Variants in MMD2 observed in about 807,000 individuals in gnomAD.
MMD2 encodes the protein monocyte to macrophage differentiation factor 2.
A neutral mutation model predicts 33.5 loss-of-function variants in MMD2; 30 were observed. The observed-to-expected ratio is 0.90, with a 90% CI of 0.67 to 1.22. The LOEUF (loss-of-function observed/expected upper bound fraction) is 1.22, where lower values mean the gene tolerates loss of function less well. Ranked by LOEUF, MMD2 falls within the 50% of genes most tolerant of loss-of-function variation. The pLI, the probability that MMD2 is intolerant of heterozygous loss-of-function variation, is 0.00. For missense variants in MMD2, 364 were observed against 325.4 expected, an observed-to-expected ratio of 1.12 and a Z score of -0.91; for synonymous variants, 129 against 123.0, an observed-to-expected ratio of 1.05 and a Z score of -0.32.
intron 4 of MMD2, among the ~76,000 whole-genome samples, chr7:4,914,224 T>C (rs966210775): frequency 1.1e-4 from 17 of 152,214 alleles, no homozygotes; most frequent in Non-Finnish European, 1.8e-4. Context: ...CTATTGTTTT[T>C]ATGTCTGCAT....
chr7:4,957,173 A>T (rs200808571), intron 1 of MMD2, among the ~76,000 whole-genome samples: 2,809 of 127,334 alleles, frequency 0.022, 27 homozygotes, highest in Non-Finnish European at 0.027. Context: ...CAAAAAAAAA[A>T]ATATATATAT....
chr7:4,953,478 T>C (rs1179422482), intron 1 of MMD2, among the ~76,000 whole-genome samples: 11 of 147,992 alleles, frequency 7.4e-5, no homozygotes, highest in African/African-American at 2.2e-4. Context: ...TCAGTCTCTT[T>C]TTTTTTTTTT....
intron 1 of MMD2, among the ~76,000 whole-genome samples, chr7:4,952,111 C>G (rs532155029): frequency 6.6e-6 from 1 of 152,352 alleles, no homozygotes; most frequent in African/African-American, 2.4e-5. Context: ...ACGCCCACCA[C>G]ACGCCAGACC....
chr7:4,928,065 C>G (rs980191376), intron 1 of MMD2, among the ~76,000 whole-genome samples: 1 of 152,172 alleles, frequency 6.6e-6, no homozygotes, highest in Non-Finnish European at 1.5e-5. Context: ...GACCAGCAGC[C>G]GGGACCACAG....
Position 4,950,665 on chromosome 7 carries a change from G to A in MMD2, c.47+8306C>T, listed in dbSNP as rs144942553. ...GTCCTTGTGGTTCATCCAGGCTACC[G>A]CGTGTGCCAGAATTTCCTTCCTTTT... On this transcript the variant is annotated intron_variant, in intron 1 of 6. Coordinates refer to ENST00000401401, the MANE Select transcript of MMD2 (RefSeq NM_198403.4). Among the ~76,000 whole-genome samples the A allele has an allele frequency of 1.2e-3, 188 of 151,744 alleles. 2 individuals carry two copies. The highest frequency in any genetic ancestry group is 3.1e-3 in the African/African-American group (128 of 41,372).
At chr7:4,909,768 A>C (rs556270295) in intron 6 of MMD2, 113 bp downstream of exon 6, 36 of 1,420,870 alleles carry the variant, frequency 2.5e-5, no homozygotes, top group Non-Finnish European at 3.5e-5. Context: ...GCCAGGCCTC[A>C]GTTTCCCCGC....
Position 4,906,624 on chromosome 7 carries a change from C to T in MMD2, c.*772G>A. On this transcript the variant is annotated 3_prime_UTR_variant, in exon 7 of 7. Transcript: ENST00000401401. ...CTACGGTGGAACAGAACATCAGGGG[C>T]TGCATGGGTGTGCGCCTCAGTTTCC... 1 of 398,430 alleles carries T rather than the reference C, an allele frequency of 2.5e-6. No homozygotes were observed. Among genetic ancestry groups the T allele is most frequent in the Non-Finnish European group, 4.4e-6 (1 of 225,966 alleles). 24.7% of individuals were successfully genotyped at this position (398,430 alleles called of 1,614,324 possible).
At chr7:4,918,005 A>G (rs1347002406) in intron 3 of MMD2, among the ~76,000 whole-genome samples, 1 of 152,200 alleles carries the variant, frequency 6.6e-6, no homozygotes, top group African/African-American at 2.4e-5. Flanking sequence ...AAGTTTGGGG[A>G]AAACAAGCTC....
intron 1 of MMD2, among the ~76,000 whole-genome samples, chr7:4,950,340 C>T (rs868647571): frequency 5.3e-5 from 8 of 152,112 alleles, no homozygotes; most frequent in Admixed American, 1.3e-4. Flanking sequence ...TCAGGTGGTC[C>T]GCCTGCCTCG....
chr7:4,907,717 C>A, intron 6 of MMD2, 118 bp from the exon 7 acceptor site: 2 of 889,310 alleles, frequency 2.2e-6, no homozygotes, highest in Non-Finnish European at 1.8e-6. Context: ...CCAGCCCAGA[C>A]TCCCAGGTGG....
intron 3 of MMD2, among the ~76,000 whole-genome samples, chr7:4,919,403 T>C (rs1446206454): frequency 6.6e-6 from 1 of 151,784 alleles, no homozygotes; most frequent in Non-Finnish European, 1.5e-5. Flanking sequence ...ACCCCATCTC[T>C]ACAAAAAGAT....
intron 1 of MMD2, among the ~76,000 whole-genome samples, chr7:4,934,257 A>G (rs987997243): frequency 6.6e-6 from 1 of 150,732 alleles, no homozygotes; most frequent in Admixed American, 6.6e-5. Context: ...TTCCACCACC[A>G]CACCCAACTA....
At chr7:4,958,562 T>C (rs946607046) in intron 1 of MMD2, among the ~76,000 whole-genome samples, 3 of 152,112 alleles carry the variant, frequency 2.0e-5, no homozygotes, top group African/African-American at 7.2e-5. Flanking sequence ...CCTTTTACCA[T>C]GAACAAGAGT....
At chr7:4,943,737 A>AGGAT (rs1785975991) in intron 1 of MMD2, among the ~76,000 whole-genome samples, 1 of 152,066 alleles carries the variant, frequency 6.6e-6, no homozygotes, top group South Asian at 2.1e-4. Flanking sequence ...ACACTTCACA[A>AGGAT]ACTGCCTTGA....
At chr7:4,897,224 A>AT in the MMD2 span, among the ~76,000 whole-genome samples, 1 of 135,650 alleles carries the variant, frequency 7.4e-6, no homozygotes, top group African/African-American at 2.9e-5. Context: ...CAGGTGTTAT[A>AT]TTTAAAAAAA....
downstream of MMD2, among the ~76,000 whole-genome samples, chr7:4,902,945 G>A (rs558139853): frequency 2.4e-3 from 370 of 152,228 alleles, 1 homozygote; most frequent in African/African-American, 8.4e-3. Flanking sequence ...AAACTGATAC[G>A]GAAAAGAGAG....
Position 4,922,924 on chromosome 7 carries a change from T to C in MMD2, c.129+2527A>G, listed in dbSNP as rs563411530. Among the ~76,000 whole-genome samples, 78 of 152,232 alleles carry C rather than the reference T, an allele frequency of 5.1e-4. 1 individual carries two copies. Among genetic ancestry groups the C allele is most frequent in the African/African-American group, 1.7e-3 (71 of 41,536 alleles). On this transcript the variant is annotated intron_variant, in intron 2 of 6. Coordinates refer to ENST00000401401, the MANE Select transcript of MMD2 (RefSeq NM_198403.4). ...GCTAACTGAGGGAGCATCCAACAAA[T>C]GAATAAGTTAACAGCAGGGGCCTGG...
the MMD2 span, among the ~76,000 whole-genome samples, chr7:4,895,741 G>T: frequency 1.3e-5 from 2 of 151,888 alleles, no homozygotes; most frequent in East Asian, 3.9e-4. Flanking sequence ...TCATCATGTT[G>T]GTCAGGTTGG....
intron 2 of MMD2, among the ~76,000 whole-genome samples, chr7:4,921,387 G>T (rs1264635855): frequency 6.6e-6 from 1 of 151,954 alleles, no homozygotes; most frequent in Admixed American, 6.6e-5. Flanking sequence ...TTAGGAGGCC[G>T]AGGCGGGCAG....
Sources: allele counts gnomAD v4.1 joint callset (sites outside exome capture counted in the v4.1 genomes callset), GRCh38; gene constraint gnomAD v4.1.1; transcripts MANE v1.5; gene names NCBI Gene and HGNC (gene_info 2026-07-23, HGNC 2026-07-21).